NVL: variants seen among roughly 807,000 people sequenced by gnomAD.
The protein encoded by NVL is nuclear VCP like.
A neutral mutation model predicts 110.2 loss-of-function variants in NVL; 84 were observed. The ratio of observed to expected loss-of-function variants is 0.76; its 90% CI spans 0.64 to 0.91. NVL has a LOEUF of 0.91. NVL is among the 40% of genes least tolerant of loss of function. NVL has a pLI of 0.00. For synonymous variants in NVL, 354 were observed against 361.1 expected, an observed-to-expected ratio of 0.98 and a Z score of 0.22; for missense variants, 882 against 1,035.9, an observed-to-expected ratio of 0.85 and a Z score of 2.04.
At chr1:224,278,726 T>C (rs1271625731) in intron 16 of NVL, among the ~76,000 whole-genome samples, 1 of 152,126 alleles carries the variant, frequency 6.6e-6, no homozygotes, top group African/African-American at 2.4e-5. Context: ...TAAAAATAGT[T>C]AGCAATATCC....
At chr1:224,255,229 G>T (rs1260022704) in intron 18 of NVL, among the ~76,000 whole-genome samples, 4 of 111,222 alleles carry the variant, frequency 3.6e-5, no homozygotes, top group African/African-American at 1.0e-4. Flanking sequence ...TCGCTCTGCC[G>T]TCCAGGCTGG....
chr1:224,301,310 G>A (rs959107223), intron 9 of NVL, among the ~76,000 whole-genome samples: 7 of 152,032 alleles, frequency 4.6e-5, no homozygotes, highest in African/African-American at 1.7e-4. Flanking sequence ...TCACTATGTT[G>A]CCCAGGCTGG....
At chr1:224,271,625 C>T (rs904576631) in intron 17 of NVL, among the ~76,000 whole-genome samples, 18 of 151,748 alleles carry the variant, frequency 1.2e-4, no homozygotes, top group African/African-American at 4.1e-4. Flanking sequence ...AAGAGTAATA[C>T]GGAGGAGAAT....
intron 19 of NVL, among the ~76,000 whole-genome samples, chr1:224,245,238 T>C (rs1661678317): frequency 6.6e-6 from 1 of 152,242 alleles, no homozygotes; most frequent in Admixed American, 6.5e-5. Context: ...TCTGTTGACT[T>C]ACAAAGAACA....
At chr1:224,267,019 T>C (rs1053111922) in intron 18 of NVL, among the ~76,000 whole-genome samples, 1 of 152,194 alleles carries the variant, frequency 6.6e-6, no homozygotes, top group Non-Finnish European at 1.5e-5. Context: ...CTGGCATAGA[T>C]CTTCAAAAAT....
At chr1:224,231,159 A>T in intron 22 of NVL, 67 bp downstream of exon 22, 1 of 1,053,640 alleles carries the variant, frequency 9.5e-7, no homozygotes, top group Non-Finnish European at 1.4e-6. Context: ...AGTTTAATTC[A>T]TGAGGTCATA....
intron 19 of NVL, among the ~76,000 whole-genome samples, chr1:224,244,541 G>A (rs569623202): frequency 2.0e-5 from 3 of 151,350 alleles, no homozygotes; most frequent in Admixed American, 6.6e-5. Context: ...GCGTGATCTC[G>A]GCTCACTGCA....
At chr1:224,268,160 C>T in intron 17 of NVL, 27 bp from the exon 18 acceptor site, 1 of 1,518,004 alleles carries the variant, frequency 6.6e-7, no homozygotes, top group Non-Finnish European at 9.1e-7. Flanking sequence ...CTGGTTCCAT[C>T]AGCTCTCAAT....
intron 20 of NVL, among the ~76,000 whole-genome samples, chr1:224,235,937 AAAAAAAAAG>A: frequency 6.6e-6 from 1 of 150,556 alleles, no homozygotes; most frequent in Non-Finnish European, 1.5e-5. Flanking sequence ...TGTATGGAAA[AAAAAAAAAG>A]AAAAAAAAGA....
At chr1:224,267,425 C>T (rs1244540435) in intron 18 of NVL, among the ~76,000 whole-genome samples, 4 of 151,992 alleles carry the variant, frequency 2.6e-5, no homozygotes, top group African/African-American at 7.3e-5. Flanking sequence ...CAGTGGCTCA[C>T]GTCTGTAATC....
chr1:224,232,586 C>T (rs10916535), intron 21 of NVL, among the ~76,000 whole-genome samples: 21,006 of 151,968 alleles, frequency 0.14, 1,763 homozygotes, highest in East Asian at 0.36. Context: ...TCTCAAACTC[C>T]TGGGCTCAAG....
At chr1:224,241,089 A>G (rs1343529353) in intron 19 of NVL, among the ~76,000 whole-genome samples, 1 of 152,080 alleles carries the variant, frequency 6.6e-6, no homozygotes, top group Non-Finnish European at 1.5e-5. Context: ...ACGCTCAGCC[A>G]AACTCTCCTT....
chr1:224,284,353 C>T (rs1394072206), intron 15 of NVL, among the ~76,000 whole-genome samples: 1 of 150,730 alleles, frequency 6.6e-6, no homozygotes, highest in Non-Finnish European at 1.5e-5. Context: ...GAAATATAGC[C>T]AATAAACATA....
intron 18 of NVL, among the ~76,000 whole-genome samples, chr1:224,263,355 T>A (rs1347702707): frequency 7.2e-5 from 11 of 152,244 alleles, no homozygotes; most frequent in Non-Finnish European, 1.5e-5. Context: ...ACAGAGGGCC[T>A]GGCACTTAGT....
chr1:224,282,454 T>G (rs1234492672), intron 15 of NVL, among the ~76,000 whole-genome samples: 1 of 152,250 alleles, frequency 6.6e-6, no homozygotes, highest in Non-Finnish European at 1.5e-5. Flanking sequence ...AAATACCTCA[T>G]GGGATGAAAG....
chr1:224,230,058 C>T (rs1260036940), intron 22 of NVL, among the ~76,000 whole-genome samples: 3 of 152,294 alleles, frequency 2.0e-5, no homozygotes, highest in South Asian at 4.1e-4. Flanking sequence ...TCTTGAACTC[C>T]TGGGCTCAAG....
At chr1:224,314,010 GA>G (rs1477326643) in intron 4 of NVL, among the ~76,000 whole-genome samples, 1 of 151,940 alleles carries the variant, frequency 6.6e-6, no homozygotes, top group African/African-American at 2.4e-5. Flanking sequence ...CTCAAAAAAA[GA>G]AAAAATATAT....
At chr1:224,326,684 T>A (rs2102808855) in intron 1 of NVL, among the ~76,000 whole-genome samples, 1 of 152,282 alleles carries the variant, frequency 6.6e-6, no homozygotes, top group South Asian at 2.1e-4. Context: ...CTAATAATTA[T>A]CAGAATAGTT....
chr1:224,324,100 C>T (rs1022014004), intron 2 of NVL, among the ~76,000 whole-genome samples: 3 of 152,150 alleles, frequency 2.0e-5, no homozygotes, highest in African/African-American at 7.2e-5. Flanking sequence ...CACACCTAGA[C>T]TACATGGTAT....
Sources: gnomAD v4.1 joint callset for allele counts (sites outside exome capture counted in the v4.1 genomes callset) on GRCh38, gnomAD v4.1.1 for gene constraint, MANE v1.5 for transcripts, NCBI Gene and HGNC (gene_info 2026-07-23, HGNC 2026-07-21) for gene names.